Variants in MBNL1 observed in about 807,000 individuals in gnomAD.
The protein encoded by MBNL1 is muscleblind like splicing regulator 1, also known as muscleblind-like protein 1.
MBNL1 carries 8 observed loss-of-function variants against 42.2 expected under a neutral mutation model. That is an observed-to-expected ratio of 0.19 (90% CI 0.11 to 0.34). The LOEUF is 0.34. Among genes scored for constraint, MBNL1 ranks in the 10% least tolerant of loss-of-function variants. The pLI is 1.00. For synonymous variants in MBNL1, 169 were observed against 173.9 expected (o/e 0.97, Z 0.22); for missense variants, 309 against 495.3 (o/e 0.62, Z 3.57).
intron 6 of MBNL1, among the ~76,000 whole-genome samples, chr3:152,454,754 T>G (rs1253960788): frequency 6.6e-6 from 1 of 152,166 alleles, no homozygotes; most frequent in East Asian, 1.9e-4. Flanking sequence ...GAACATTTGC[T>G]ACTCCCAGAA....
chr3:152,448,291 T>C (rs1219175989), intron 6 of MBNL1, among the ~76,000 whole-genome samples: 2 of 152,214 alleles, frequency 1.3e-5, no homozygotes, highest in Non-Finnish European at 2.9e-5. Flanking sequence ...ATTATGACTG[T>C]TCCTAAGCTA....
At chr3:152,340,504 A>T in intron 2 of MBNL1, 1 of 1,563,222 alleles carries the variant, frequency 6.4e-7, no homozygotes. Flanking sequence ...AGTATATTAA[A>T]AATAGTGGAA....
intron 2 of MBNL1, among the ~76,000 whole-genome samples, chr3:152,309,729 C>T (rs1465135988): frequency 6.6e-6 from 1 of 152,112 alleles, no homozygotes; most frequent in Non-Finnish European, 1.5e-5. Context: ...CCTTCTTTTC[C>T]ATATTACTGC....
At chr3:152,337,575 G>A (rs372890011) in intron 2 of MBNL1, among the ~76,000 whole-genome samples, 3 of 148,092 alleles carry the variant, frequency 2.0e-5, no homozygotes, top group Non-Finnish European at 4.4e-5. Flanking sequence ...CCAAGATTGC[G>A]CCACTACAAT....
At chr3:152,376,863 C>T (rs574837198) in intron 2 of MBNL1, among the ~76,000 whole-genome samples, 51 of 152,238 alleles carry the variant, frequency 3.4e-4, no homozygotes, top group African/African-American at 1.2e-3. Context: ...AAATGGGTCT[C>T]GCTGCTTCAC....
At chr3:152,257,862 CT>C (rs2149470998) in intron 2 of MBNL1, among the ~76,000 whole-genome samples, 1 of 152,296 alleles carries the variant, frequency 6.6e-6, no homozygotes, top group East Asian at 1.9e-4. Flanking sequence ...ATCTTATACT[CT>C]TCGTTAATGT....
chr3:152,264,641 T>C (rs2036881802), upstream of MBNL1: 1 of 152,216 alleles, frequency 6.6e-6, no homozygotes, highest in Non-Finnish European at 1.5e-5. Flanking sequence ...CAAGGCCAGA[T>C]GCTCTCTAAC....
chr3:152,342,395 C>T (rs187151467), intron 2 of MBNL1, among the ~76,000 whole-genome samples: 123 of 152,162 alleles, frequency 8.1e-4, no homozygotes, highest in Admixed American at 7.3e-3. Context: ...TTTAATTTTA[C>T]GAGACAGAGT....
chr3:152,369,530 G>A (rs910671702), intron 2 of MBNL1, among the ~76,000 whole-genome samples: 12 of 152,274 alleles, frequency 7.9e-5, no homozygotes, highest in Admixed American at 2.0e-4. Context: ...CTCATAAAAT[G>A]AGTGATGGAG....
intron 4 of MBNL1, among the ~76,000 whole-genome samples, chr3:152,440,516 C>T (rs543645664): frequency 6.6e-6 from 1 of 152,266 alleles, no homozygotes; most frequent in Admixed American, 6.5e-5. Context: ...AAGAACAGCT[C>T]AGGAAAGATA....
chr3:152,309,708 C>T (rs539701222), intron 2 of MBNL1, among the ~76,000 whole-genome samples: 19 of 152,138 alleles, frequency 1.2e-4, no homozygotes, highest in Non-Finnish European at 1.9e-4. Context: ...GGATAAATTA[C>T]ATCTGTAATT....
Position 152,463,958 on chromosome 3 carries a change from T to G in MBNL1, c.*1592T>G, listed in dbSNP as rs1008150907. ...GCTTTCTAATATAAGACTGATGTGT[T>G]GATTTTACTGATTGTACTGTACATC... is the stretch of plus-strand genomic sequence containing the variant. On this transcript the variant is annotated 3_prime_UTR_variant, in exon 10 of 10. Transcript: ENST00000324210. 7 of 152,588 alleles carry G rather than the reference T, an allele frequency of 4.6e-5. No homozygotes were observed. The highest frequency in any genetic ancestry group is 1.3e-4 in the Admixed American group (2 of 15,282). The allele number at this position is 152,588 out of a possible 1,614,324, so 9.5% of individuals were successfully genotyped here. A position where few individuals can be genotyped will look rare whatever the true frequency, so the allele number is the denominator to read the frequency against.
At chr3:152,337,770 T>C (rs1214878337) in intron 2 of MBNL1, among the ~76,000 whole-genome samples, 1 of 152,206 alleles carries the variant, frequency 6.6e-6, no homozygotes, top group Non-Finnish European at 1.5e-5. Context: ...CTTTGTATTC[T>C]TCTCTTATCT....
chr3:152,374,214 AATC>A (rs1191120657), intron 2 of MBNL1, among the ~76,000 whole-genome samples: 1 of 152,234 alleles, frequency 6.6e-6, no homozygotes, highest in African/African-American at 2.4e-5. Flanking sequence ...ATTATTTGCA[AATC>A]ATCTACTTTT....
intron 2 of MBNL1, among the ~76,000 whole-genome samples, chr3:152,399,575 C>T (rs1336965104): frequency 6.6e-6 from 1 of 151,682 alleles, no homozygotes; most frequent in Non-Finnish European, 1.5e-5. Flanking sequence ...TATAGTAGTG[C>T]AATCATGACT....
At chr3:152,458,271 C>G (rs1737797627) in intron 8 of MBNL1, 1 of 1,276,882 alleles carries the variant, frequency 7.8e-7, no homozygotes, top group East Asian at 2.3e-5. Context: ...AAAATGTCAG[C>G]TGAGAACTGG....
chr3:152,276,933 C>A (rs1216732924), intron 1 of MBNL1, among the ~76,000 whole-genome samples: 1 of 151,960 alleles, frequency 6.6e-6, no homozygotes, highest in Non-Finnish European at 1.5e-5. Context: ...GACATGTATG[C>A]TGAGAGAAAT....
intron 2 of MBNL1, among the ~76,000 whole-genome samples, chr3:152,382,372 T>G (rs986125813): frequency 6.6e-6 from 1 of 152,078 alleles, no homozygotes; most frequent in East Asian, 1.9e-4. Flanking sequence ...CATAATATGT[T>G]AGGTTGCATA....
intron 4 of MBNL1, among the ~76,000 whole-genome samples, chr3:152,441,219 C>T (rs1286305117): frequency 1.3e-5 from 2 of 152,128 alleles, no homozygotes; most frequent in Non-Finnish European, 2.9e-5. Flanking sequence ...CTTAGAATCC[C>T]AGTGCTTTAA....
Sources: gnomAD v4.1 joint callset for allele counts (sites outside exome capture counted in the v4.1 genomes callset) on GRCh38, gnomAD v4.1.1 for gene constraint, MANE v1.5 for transcripts, NCBI Gene and HGNC (gene_info 2026-07-23, HGNC 2026-07-21) for gene names.